SAMD13: variants seen among roughly 807,000 people sequenced by gnomAD.
SAMD13 encodes sterile alpha motif domain-containing protein 13.
A neutral mutation model predicts 12.4 loss-of-function variants in SAMD13; 9 were observed. The ratio of observed to expected loss-of-function variants is 0.72; its 90% CI spans 0.44 to 1.26. The LOEUF (loss-of-function observed/expected upper bound fraction) is 1.26. Ranked by LOEUF, SAMD13 falls within the 50% of genes most tolerant of loss-of-function variation. SAMD13 has a pLI of 0.00. For missense variants in SAMD13, 84 were observed against 119.6 expected (o/e 0.70, Z 1.39); for synonymous variants, 46 against 45.4 (o/e 1.01, Z -0.05).
chr1:84,331,013 T>C (rs1394136122), intron 3 of SAMD13, among the ~76,000 whole-genome samples: 1 of 152,174 alleles, frequency 6.6e-6, no homozygotes, highest in Non-Finnish European at 1.5e-5. Flanking sequence ...GCTTAAGTCA[T>C]TCATTTGAAA....
At chr1:84,314,551 C>T (rs576966490) in intron 2 of SAMD13, among the ~76,000 whole-genome samples, 1 of 152,180 alleles carries the variant, frequency 6.6e-6, no homozygotes, top group African/African-American at 2.4e-5. Flanking sequence ...CCATCAGGCC[C>T]AGTCTTGTCT....
At chr1:84,302,571 CA>C in intron 1 of SAMD13, 2 of 623,522 alleles carry the variant, frequency 3.2e-6, no homozygotes, top group African/African-American at 2.0e-5. Context: ...CACACACACA[CA>C]CACACCAGCA....
chr1:84,315,267 G>C (rs1216571971), intron 2 of SAMD13, among the ~76,000 whole-genome samples: 1 of 151,880 alleles, frequency 6.6e-6, no homozygotes, highest in Non-Finnish European at 1.5e-5. Context: ...TTTAGACTCT[G>C]CCAACCACCA....
chr1:84,320,543 A>T (rs1678919697), intron 2 of SAMD13, among the ~76,000 whole-genome samples: 1 of 152,224 alleles, frequency 6.6e-6, no homozygotes, highest in Admixed American at 6.5e-5. Flanking sequence ...AAATAACGCT[A>T]ATGCTCATTT....
At chr1:84,327,721 T>C (rs1679088771) in intron 3 of SAMD13, among the ~76,000 whole-genome samples, 2 of 152,220 alleles carry the variant, frequency 1.3e-5, no homozygotes, top group Admixed American at 1.3e-4. Context: ...AACATATGCA[T>C]TGGCAATTAA....
intron 2 of SAMD13, among the ~76,000 whole-genome samples, chr1:84,312,585 A>G (rs1287609623): frequency 6.6e-6 from 1 of 152,128 alleles, no homozygotes; most frequent in African/African-American, 2.4e-5. Context: ...AATTAATTTG[A>G]ACTGAATCAA....
At chr1:84,349,056 T>C (rs1276012930) in intron 3 of SAMD13, among the ~76,000 whole-genome samples, 1 of 152,182 alleles carries the variant, frequency 6.6e-6, no homozygotes, top group Admixed American at 6.5e-5. Flanking sequence ...AAAACATATA[T>C]TTAAGTATCA....
At chr1:84,333,006 T>G (rs1178875491) in intron 3 of SAMD13, among the ~76,000 whole-genome samples, 6 of 152,210 alleles carry the variant, frequency 3.9e-5, no homozygotes, top group African/African-American at 1.2e-4. Flanking sequence ...CATCACTTGT[T>G]TTTGTCAACT....
chr1:84,342,323 AC>A (rs1373012143), intron 3 of SAMD13, among the ~76,000 whole-genome samples: 1 of 152,162 alleles, frequency 6.6e-6, no homozygotes, highest in Non-Finnish European at 1.5e-5. Context: ...ACATTGAAAG[AC>A]CCTTCACAGA....
chr1:84,299,776 G>C (rs923030939), upstream of SAMD13: 2 of 371,080 alleles, frequency 5.4e-6, no homozygotes, highest in Non-Finnish European at 8.4e-6. Context: ...GAGTGTCTTT[G>C]TGGCTCACTT....
rs111275693 is a variant in SAMD13, at chr1:84,346,638, G to C, written c.166-2993G>C. Among the ~76,000 whole-genome samples, 519 of 152,300 alleles carry C rather than the reference G, an allele frequency of 3.4e-3. 1 individual carries two copies. The highest frequency in any genetic ancestry group is 6.8e-3 in the Middle Eastern group (2 of 292). On this transcript the variant is annotated intron_variant, in intron 3 of 3. Coordinates refer to ENST00000394834, the MANE Select transcript of SAMD13 (RefSeq NM_001134663.2). ...TGTTCCTTACGGAAAGTTACTGATA[G>C]AGTCTGCAAGAACCTGTCTTCCAGT...
intron 3 of SAMD13, among the ~76,000 whole-genome samples, chr1:84,343,992 C>T (rs1220071222): frequency 6.6e-6 from 1 of 151,964 alleles, no homozygotes; most frequent in Non-Finnish European, 1.5e-5. Context: ...ATCTCTATGA[C>T]CCAGTTTTCT....
chr1:84,343,872 T>TA (rs975794355), intron 3 of SAMD13, among the ~76,000 whole-genome samples: 1 of 152,038 alleles, frequency 6.6e-6, no homozygotes, highest in East Asian at 1.9e-4. Flanking sequence ...AAATTTAAAT[T>TA]AAAAAAAATT....
intron 3 of SAMD13, among the ~76,000 whole-genome samples, chr1:84,339,505 C>T (rs923279866): frequency 3.3e-5 from 5 of 152,052 alleles, no homozygotes; most frequent in East Asian, 1.9e-4. Context: ...GGGTTGGTAC[C>T]GGGCCACAGC....
intron 1 of SAMD13, chr1:84,302,577 C>G (rs1028167089): frequency 2.9e-6 from 2 of 687,606 alleles, no homozygotes; most frequent in Non-Finnish European, 3.6e-6. Context: ...CACACACACA[C>G]CAGCACCACC....
At chr1:84,316,030 T>C (rs1225624640) in intron 2 of SAMD13, among the ~76,000 whole-genome samples, 1 of 152,196 alleles carries the variant, frequency 6.6e-6, no homozygotes, top group East Asian at 1.9e-4. Flanking sequence ...TTCAGAGATA[T>C]CTATTATGTC....
intron 3 of SAMD13, among the ~76,000 whole-genome samples, chr1:84,326,432 A>G (rs1679060993): frequency 6.6e-6 from 1 of 152,160 alleles, no homozygotes; most frequent in African/African-American, 2.4e-5. Context: ...CCTTTTCCTC[A>G]GGTCCAGGGA....
chr1:84,337,438 G>A (rs1306259210), intron 3 of SAMD13, among the ~76,000 whole-genome samples: 1 of 152,208 alleles, frequency 6.6e-6, no homozygotes, highest in African/African-American at 2.4e-5. Context: ...CATGGAAGCT[G>A]CCAAAGCTTG....
intron 1 of SAMD13, 150 bp from the exon 2 acceptor site, chr1:84,303,053 C>G: frequency 1.7e-6 from 1 of 598,050 alleles, no homozygotes; most frequent in Non-Finnish European, 2.9e-6. Flanking sequence ...AATCACATCT[C>G]TCCAATCGCC....
Sources: gnomAD v4.1 joint callset for allele counts (sites outside exome capture counted in the v4.1 genomes callset) on GRCh38, gnomAD v4.1.1 for gene constraint, MANE v1.5 for transcripts, NCBI Gene and HGNC (gene_info 2026-07-23, HGNC 2026-07-21) for gene names.